PLPP3: variants seen among roughly 807,000 people sequenced by gnomAD.
PLPP3 encodes the protein phospholipid phosphatase 3, also known as PAP2 beta.
PLPP3 carries 6 observed loss-of-function variants against 29.6 expected under a neutral mutation model. The observed-to-expected ratio is 0.20, with a 90% CI of 0.11 to 0.40. The LOEUF is 0.40. Ranked by LOEUF, PLPP3 falls within the 10% of genes least tolerant of loss-of-function variation. The pLI is 1.00. For synonymous variants in PLPP3, 152 were observed against 159.7 expected (o/e 0.95, Z 0.36); for missense variants, 308 against 407.7 (o/e 0.76, Z 2.11).
chr1:56,503,597 G>A (rs1007477229), intron 5 of PLPP3, among the ~76,000 whole-genome samples: 9 of 152,058 alleles, frequency 5.9e-5, no homozygotes, highest in African/African-American at 1.9e-4. Flanking sequence ...ACTGAGGCAG[G>A]AGAATCACTT....
chr1:56,524,258 T>C lies in PLPP3; in HGVS notation c.575+19A>G, dbSNP rs751274033. On this transcript the variant is annotated intron_variant, in intron 3 of 5. Coordinates refer to ENST00000371250, the MANE Select transcript of PLPP3 (RefSeq NM_003713.5). This position sits in a 1 kb window ranked among gnomAD's most constrained non-coding sequence, Gnocchi z 4.3. ...ATGAAAGGGGTCCAGGCTCTGGCCA[T>C]GCGGAGGTGGTGTCTCACCTGGCTT... 6.2e-6 allele frequency: 10 copies of C among 1,612,180 alleles called. No homozygotes were observed. The highest frequency in any genetic ancestry group is 1.3e-5 in the African/African-American group (1 of 74,888).
Position 56,524,221 on chromosome 1 carries a change from G to A in PLPP3, c.575+56C>T. 1.3e-6 allele frequency: 2 copies of A among 1,597,178 alleles called. No homozygotes were observed. Among genetic ancestry groups the A allele is most frequent in the Non-Finnish European group, 1.7e-6 (2 of 1,169,724 alleles). ...AGGGCCCAGCTAGTAAGTGCTCACT[G>A]AACTGCACTGTATGAAAGGGGTCCA... On this transcript the variant is annotated intron_variant, in intron 3 of 5. Coordinates refer to ENST00000371250, the MANE Select transcript of PLPP3 (RefSeq NM_003713.5). This position sits in a 1 kb window ranked among gnomAD's most constrained non-coding sequence, Gnocchi z 4.3.
intron 1 of PLPP3, among the ~76,000 whole-genome samples, chr1:56,559,891 G>T (rs1646109706): frequency 6.6e-6 from 1 of 152,108 alleles, no homozygotes; most frequent in African/African-American, 2.4e-5. Context: ...TTATTCTAAA[G>T]GATGGTCACT....
At chr1:56,543,622 C>T (rs1447220027) in intron 1 of PLPP3, among the ~76,000 whole-genome samples, 1 of 152,182 alleles carries the variant, frequency 6.6e-6, no homozygotes, top group Non-Finnish European at 1.5e-5. Flanking sequence ...TGCAAACTTT[C>T]TTTGGTTTAC....
intron 1 of PLPP3, among the ~76,000 whole-genome samples, chr1:56,572,926 G>A (rs1646210931): frequency 6.6e-6 from 1 of 152,152 alleles, no homozygotes; most frequent in Admixed American, 6.5e-5. Flanking sequence ...CCTGGAGGAG[G>A]TTAAATAATT....
At position 56,496,484 on chromosome 1, in the gene PLPP3, T is replaced by C. The variant is rs1485773197; in HGVS notation, c.*67A>G. ...CCCTACATTCTACTGTCTGATGAGA[T>C]TGGAGAGCAGCAAGAACTTGCTGTC... On this transcript the variant is annotated 3_prime_UTR_variant, in exon 6 of 6. Coordinates refer to ENST00000371250, the MANE Select transcript of PLPP3 (RefSeq NM_003713.5). 9 of 1,574,706 alleles carry C rather than the reference T, an allele frequency of 5.7e-6. No homozygotes were observed. Among genetic ancestry groups the C allele is most frequent in the Non-Finnish European group, 7.8e-6 (9 of 1,149,816 alleles).
rs72920446 is a variant in PLPP3, at chr1:56,516,108, T to A, written c.634-3956A>T. Among the ~76,000 whole-genome samples the A allele has an allele frequency of 1.9e-3, 294 of 152,340 alleles. 1 individual carries two copies. Among genetic ancestry groups the A allele is most frequent in the African/African-American group, 6.4e-3 (266 of 41,574 alleles). On this transcript the variant is annotated intron_variant, in intron 4 of 5. Coordinates refer to ENST00000371250, the MANE Select transcript of PLPP3 (RefSeq NM_003713.5). ...GTCGAGAATGAGATTGCACAATGAC[T>A]TTCCATCCAGTGGCTACATCTGATA...
chr1:56,527,708 C>T (rs1161255952), intron 2 of PLPP3, among the ~76,000 whole-genome samples: 3 of 152,022 alleles, frequency 2.0e-5, no homozygotes, highest in South Asian at 2.1e-4. Context: ...GTCAGGGAGT[C>T]GACAACACAG....
At chr1:56,545,033 T>G (rs1645996047) in intron 1 of PLPP3, among the ~76,000 whole-genome samples, 1 of 152,248 alleles carries the variant, frequency 6.6e-6, no homozygotes, top group African/African-American at 2.4e-5. Flanking sequence ...CTTTAACATC[T>G]GAATTAAAAC....
intron 1 of PLPP3, among the ~76,000 whole-genome samples, chr1:56,546,028 A>C (rs969199950): frequency 3.9e-5 from 6 of 152,216 alleles, no homozygotes; most frequent in Non-Finnish European, 8.8e-5. Flanking sequence ...CCCATGGCCA[A>C]ATCTGGCCTG....
chr1:56,571,443 C>T (rs185883376), intron 1 of PLPP3, among the ~76,000 whole-genome samples: 11 of 152,102 alleles, frequency 7.2e-5, no homozygotes, highest in Non-Finnish European at 1.2e-4. Flanking sequence ...CTCCAAAGCC[C>T]GTGCTATTCC....
At chr1:56,538,958 G>GAAAAAAAAAAAAAAAA (rs1645948817) in intron 1 of PLPP3, 1 of 39,742 alleles carries the variant, frequency 2.5e-5, no homozygotes, top group African/African-American at 1.6e-4. Context: ...CTTCTGGGCT[G>GAAAAAAAAAAAAAAAA]CAAAAAAAAA....
intron 4 of PLPP3, among the ~76,000 whole-genome samples, chr1:56,519,017 C>A (rs1312543950): frequency 6.8e-6 from 1 of 146,846 alleles, no homozygotes; most frequent in African/African-American, 2.5e-5. Flanking sequence ...TGGGTGGGGG[C>A]AAGGTGCAGA....
chr1:56,559,793 C>A (rs1167944982), intron 1 of PLPP3, among the ~76,000 whole-genome samples: 4 of 152,126 alleles, frequency 2.6e-5, no homozygotes, highest in Non-Finnish European at 4.4e-5. Flanking sequence ...CAGTTAATAT[C>A]TCTGAGCCTG....
intron 1 of PLPP3, among the ~76,000 whole-genome samples, chr1:56,565,339 G>C (rs567796232): frequency 1.3e-5 from 2 of 151,826 alleles, no homozygotes; most frequent in East Asian, 3.9e-4. Flanking sequence ...ACAGTAGCTC[G>C]AGCCTAAGGT....
chr1:56,578,226 G>C (rs1646249312), intron 1 of PLPP3, among the ~76,000 whole-genome samples: 1 of 152,190 alleles, frequency 6.6e-6, no homozygotes, highest in Non-Finnish European at 1.5e-5. Flanking sequence ...GCTGCACCGA[G>C]TCAGAGAGTG....
intron 1 of PLPP3, among the ~76,000 whole-genome samples, chr1:56,551,945 T>C (rs578090777): frequency 2.0e-5 from 3 of 152,308 alleles, no homozygotes; most frequent in South Asian, 4.1e-4. Flanking sequence ...GCAGAAGGCT[T>C]AGAGCTGCAG....
At chr1:56,523,144 T>C (rs1645830506) in intron 4 of PLPP3, among the ~76,000 whole-genome samples, 1 of 152,204 alleles carries the variant, frequency 6.6e-6, no homozygotes, top group Admixed American at 6.5e-5. Flanking sequence ...ATTTTATACT[T>C]CACAGTGTTG....
At chr1:56,559,418 G>A (rs1646106128) in intron 1 of PLPP3, among the ~76,000 whole-genome samples, 1 of 46,508 alleles carries the variant, frequency 2.2e-5, no homozygotes, top group Non-Finnish European at 6.7e-5. Flanking sequence ...ATAATCATAT[G>A]GTTAATTTTT....
Sources: gnomAD v4.1 joint callset for allele counts (sites outside exome capture counted in the v4.1 genomes callset) on GRCh38, gnomAD v4.1.1 for gene constraint, Gnocchi (gnomAD v3.1) non-coding constraint, MANE v1.5 for transcripts, NCBI Gene and HGNC (gene_info 2026-07-23, HGNC 2026-07-21) for gene names.